Variants in MCF2L observed in about 807,000 individuals in gnomAD.
MCF2L encodes the protein guanine nucleotide exchange factor DBS.
MCF2L carries 97 observed loss-of-function variants against 153.4 expected under a neutral mutation model. The observed-to-expected ratio is 0.63, with a 90% confidence interval of 0.54 to 0.75. The LOEUF (loss-of-function observed/expected upper bound fraction) is 0.75, where lower values mean the gene tolerates loss of function less well. MCF2L is among the 30% of genes least tolerant of loss of function. MCF2L has a pLI of 0.00. For synonymous variants in MCF2L, 659 were observed against 632.2 expected (o/e 1.04, Z -0.64); for missense variants, 1,347 against 1,495.2 (o/e 0.90, Z 1.64).
At chr13:113,041,737 C>T (rs1346497202) in intron 3 of MCF2L, among the ~76,000 whole-genome samples, 2 of 151,910 alleles carry the variant, frequency 1.3e-5, no homozygotes, top group Non-Finnish European at 2.9e-5. Flanking sequence ...GGGGTGTGGA[C>T]GAGTGTCCAC....
At position 112,931,779 on chromosome 13, in the gene MCF2L, CA is replaced by C. The variant is rs567621081; in HGVS notation, c.169+29412del. Among the ~76,000 whole-genome samples, 255 of 152,156 alleles carry C rather than the reference CA, an allele frequency of 1.7e-3. 3 individuals are homozygous for C. Among genetic ancestry groups the C allele is most frequent in the African/African-American group, 5.6e-3 (234 of 41,500 alleles). ...TCTTACAGTGACAGAAAGGGAGGAA[CA>C]AAACAAACAAAACAAAACCCAAACC... On this transcript the variant is annotated intron_variant, in intron 2 of 29. Coordinates refer to the MCF2L transcript ENST00000375608.
chr13:113,027,781 C>G lies in MCF2L; in HGVS notation c.278+3023C>G, dbSNP rs1324218171. On this transcript the variant is annotated intron_variant, in intron 3 of 29. Transcript: ENST00000535094. The surrounding 1 kb of genome is among the most constrained non-coding windows in gnomAD (Gnocchi z 4.8). ...CCATGTTATAGATGAGGCTTAATAA[C>G]ACGGTGATGGCTGGAGAAAGGGGAT... Among the ~76,000 whole-genome samples the G allele has an allele frequency of 1.3e-5, 2 of 152,172 alleles. No individual in the cohort carries two copies. Among genetic ancestry groups the G allele is most frequent in the African/African-American group, 2.4e-5 (1 of 41,452 alleles).
Position 112,951,929 on chromosome 13 carries a change from G to C in MCF2L, c.169+49558G>C, listed in dbSNP as rs915314515. 6.6e-6 allele frequency among the ~76,000 whole-genome samples: 1 copy of C among 152,160 alleles called. No individual in the cohort carries two copies. Among genetic ancestry groups the C allele is most frequent in the East Asian group, 1.9e-4 (1 of 5,200 alleles). On this transcript the variant is annotated intron_variant, in intron 2 of 29. Transcript: ENST00000375608. The surrounding 1 kb of genome is among the most constrained non-coding windows in gnomAD (Gnocchi z 4.8). The stretch of plus-strand genomic sequence containing the variant: ...TCTCTGTCAACAAACCCACATACAC[G>C]CACCGCATTACAAGGGCTTTACCAA...
At chr13:112,958,029 C>A (rs1022394139) in intron 2 of MCF2L, 2 of 152,268 alleles carry the variant, frequency 1.3e-5, no homozygotes, top group Admixed American at 1.3e-4. Context: ...TCCAACTCTT[C>A]TGACTCCCTT....
intron 2 of MCF2L, chr13:112,917,023 C>G (rs1350884836): frequency 8.5e-6 from 4 of 468,260 alleles, no homozygotes; most frequent in South Asian, 4.7e-5. Context: ...TCCCTCATCG[C>G]CAAGTCTGAG....
intron 2 of MCF2L, among the ~76,000 whole-genome samples, chr13:112,948,735 G>C (rs1256749029): frequency 1.3e-5 from 2 of 152,286 alleles, no homozygotes; most frequent in East Asian, 3.9e-4. Flanking sequence ...CCAAAGAAAA[G>C]CAGAAGGAAG....
chr13:112,935,326 C>T lies in MCF2L; in HGVS notation c.169+32955C>T, dbSNP rs141994428. On this transcript the variant is annotated intron_variant, in intron 2 of 29. Coordinates refer to the MCF2L transcript ENST00000375608. ...AGGCTGAAGTGCGGTGGCACGATCT[C>T]AGCTCACTGCAGCCTCCGCCTCCCG... 5.3e-3 allele frequency among the ~76,000 whole-genome samples: 800 copies of T among 152,298 alleles called. 8 individuals carry two copies. The highest frequency in any genetic ancestry group is 0.018 in the African/African-American group (762 of 41,560).
chr13:113,011,080 G>A (rs1413219346), intron 1 of MCF2L, among the ~76,000 whole-genome samples: 3 of 152,088 alleles, frequency 2.0e-5, no homozygotes, highest in Admixed American at 1.3e-4. Context: ...TGGAAGAAAC[G>A]CCCAGCGCCC....
rs926638333 is a variant in MCF2L, at chr13:112,969,298, C to A, written c.-82C>A. On this transcript the variant is annotated 5_prime_UTR_variant, in exon 1 of 30. Coordinates refer to ENST00000535094, the MANE Select transcript of MCF2L (RefSeq NM_001112732.3). The surrounding 1 kb of genome is among the most constrained non-coding windows in gnomAD (Gnocchi z 4.8). ...CCTCCCCGCCTCCGCCGCGCCCCCT[C>A]CGCACTCGCACGGCCCCACCCGCAG... The A allele has an allele frequency of 5.2e-6, 8 of 1,528,186 alleles. No individual in the cohort carries two copies. Among genetic ancestry groups the A allele is most frequent in the African/African-American group, 1.4e-5 (1 of 72,314 alleles). 94.7% of individuals were successfully genotyped at this position (1,528,186 alleles called of 1,614,324 possible). A position where few individuals can be genotyped will look rare whatever the true frequency, so the allele number is the denominator to read the frequency against.
At chr13:112,971,831 G>A (rs1419113756) in intron 1 of MCF2L, among the ~76,000 whole-genome samples, 1 of 152,190 alleles carries the variant, frequency 6.6e-6, no homozygotes, top group Admixed American at 6.5e-5. Flanking sequence ...ATTTTCGTCT[G>A]TTTTGGTTTT....
At chr13:112,996,622 C>T (rs922267758) in intron 1 of MCF2L, among the ~76,000 whole-genome samples, 3 of 152,198 alleles carry the variant, frequency 2.0e-5, no homozygotes, top group African/African-American at 4.8e-5. Context: ...ATCCTGCGAC[C>T]GTGCTCCTCA....
chr13:113,074,620 T>C lies in MCF2L; in HGVS notation c.1116+57T>C. On this transcript the variant is annotated intron_variant, in intron 10 of 29. Coordinates refer to ENST00000535094, the MANE Select transcript of MCF2L (RefSeq NM_001112732.3). The surrounding 1 kb of genome is among the most constrained non-coding windows in gnomAD (Gnocchi z 4.2). ...GAGTGTGGGCAGCATCATCAAGTGC[T>C]GCTCAGGAAGGCGCAGGAATGGGCC... 1 of 1,597,602 alleles carries C rather than the reference T, an allele frequency of 6.3e-7. No individual in the cohort carries two copies.
rs75741202 is a variant in MCF2L at position 112,913,993 on chromosome 13, G to A, written c.169+11622G>A. Among the ~76,000 whole-genome samples, 17 of 152,248 alleles carry A rather than the reference G, an allele frequency of 1.1e-4. No homozygotes were observed. In the East Asian group the frequency reaches 2.5e-3, roughly 22 times the overall value. Reference sequence around the variant, plus strand: ...TCGAGTCCAGACTCCTTAGCGTTGCGTTGGGACGTAATTCCCCGTTAGCAT... The same window carrying A: ...TCGAGTCCAGACTCCTTAGCGTTGCATTGGGACGTAATTCCCCGTTAGCAT... On this transcript the variant is annotated intron_variant, in intron 2 of 29. Coordinates refer to the MCF2L transcript ENST00000375608.
In MCF2L at chr13:113,046,514, T is replaced by C. The variant is rs1021809587; in HGVS notation, c.369+1153T>C. On this transcript the variant is annotated intron_variant, in intron 4 of 29. Transcript: ENST00000535094. This position sits in a 1 kb window ranked among gnomAD's most constrained non-coding sequence, Gnocchi z 4.4. The stretch of plus-strand genomic sequence containing the variant: ...GGTTCCCCAGCCTCTCGGTGGCTGC[T>C]GGCTGGTGCGCCAAGGTTTGAGGTA... 4 of 526,712 alleles carry C rather than the reference T, an allele frequency of 7.6e-6. No individual in the cohort carries two copies. In the Admixed American group the frequency reaches 7.9e-5, roughly 10 times the overall value. 32.6% of individuals were successfully genotyped at this position (526,712 alleles called of 1,614,324 possible).
At chr13:112,919,500 C>T (rs3011499) in intron 2 of MCF2L, among the ~76,000 whole-genome samples, 12,644 of 152,008 alleles carry the variant, frequency 0.083, 670 homozygotes, top group South Asian at 0.15. Flanking sequence ...CCACCGCGCC[C>T]GGCCAGAATT....
At chr13:112,980,549 T>A (rs1279235968) in intron 1 of MCF2L, among the ~76,000 whole-genome samples, 3 of 150,298 alleles carry the variant, frequency 2.0e-5, no homozygotes, top group Non-Finnish European at 4.5e-5. Context: ...AGCGAACACA[T>A]CCAGGCGATG....
At chr13:112,898,840 C>T (rs1054802260) in intron 1 of MCF2L, among the ~76,000 whole-genome samples, 3 of 152,204 alleles carry the variant, frequency 2.0e-5, no homozygotes, top group African/African-American at 7.2e-5. Flanking sequence ...CTCTCAGGCC[C>T]CAGGTGCCAC....
chr13:112,925,759 C>G (rs908234047), intron 2 of MCF2L, among the ~76,000 whole-genome samples: 1 of 152,114 alleles, frequency 6.6e-6, no homozygotes, highest in East Asian at 1.9e-4. Flanking sequence ...ATGTGATAAA[C>G]TGCTCCGTGC....
rs1045313101 is a variant in MCF2L at position 113,074,745 on chromosome 13, C to T, written c.1116+182C>T. Among the ~76,000 whole-genome samples the T allele has an allele frequency of 3.9e-5, 6 of 152,072 alleles. No individual in the cohort carries two copies. Among genetic ancestry groups the T allele is most frequent in the African/African-American group, 7.2e-5 (3 of 41,398 alleles). On this transcript the variant is annotated intron_variant, in intron 10 of 29. Coordinates refer to ENST00000535094, the MANE Select transcript of MCF2L (RefSeq NM_001112732.3). This position sits in a 1 kb window ranked among gnomAD's most constrained non-coding sequence, Gnocchi z 4.2. ...CTCCCCTCCCACACCCCACCCACAG[C>T]ACATGGCCCTGCCCGGCCTCCTCTG...
Sources: gnomAD v4.1 joint callset for allele counts (sites outside exome capture counted in the v4.1 genomes callset) on GRCh38, gnomAD v4.1.1 for gene constraint, Gnocchi (gnomAD v3.1) non-coding constraint, MANE v1.5 for transcripts, NCBI Gene and HGNC (gene_info 2026-07-23, HGNC 2026-07-21) for gene names.